Variants in ASH1L observed in about 807,000 individuals in gnomAD.
The protein encoded by ASH1L is ASH1 like histone lysine methyltransferase.
In ASH1L, 23 loss-of-function variants were observed where a neutral mutation model predicts 269.0. The observed-to-expected ratio is 0.09, with a 90% CI of 0.06 to 0.12. The LOEUF (loss-of-function observed/expected upper bound fraction) is 0.12, where lower values mean the gene tolerates loss of function less well. ASH1L is among the 10% of genes least tolerant of loss of function. The probability of loss-of-function intolerance (pLI) is 1.00; values close to 1 mark genes in which losing one functional copy is unlikely to be tolerated. For missense variants in ASH1L, 2,912 were observed against 3,567.8 expected, an observed-to-expected ratio of 0.82 and a Z score of 4.68; for synonymous variants, 1,187 against 1,253.5, an observed-to-expected ratio of 0.95 and a Z score of 1.12.
intron 2 of ASH1L, among the ~76,000 whole-genome samples, chr1:155,512,059 G>T (rs763373246): frequency 6.6e-6 from 1 of 152,012 alleles, no homozygotes; most frequent in Middle Eastern, 3.4e-3. Context: ...TGATCCACCC[G>T]CCTGGGTCTC....
intron 6 of ASH1L, among the ~76,000 whole-genome samples, chr1:155,414,402 C>T (rs1005009288): frequency 2.6e-5 from 4 of 152,052 alleles, no homozygotes; most frequent in Non-Finnish European, 4.4e-5. Context: ...CTCCGCCTCC[C>T]AGGTTCAAGC....
intron 2 of ASH1L, among the ~76,000 whole-genome samples, chr1:155,494,365 G>A (rs1299636659): frequency 6.6e-6 from 1 of 152,198 alleles, no homozygotes; most frequent in East Asian, 1.9e-4. Context: ...GTCCAAGAAA[G>A]AGGAAGCCAT....
intron 15 of ASH1L, among the ~76,000 whole-genome samples, chr1:155,355,738 G>C (rs547986645): frequency 6.6e-6 from 1 of 152,250 alleles, no homozygotes; most frequent in East Asian, 1.9e-4. Flanking sequence ...GAAATAGAAT[G>C]AAAGGGGCTA....
At chr1:155,415,656 A>G (rs1023275194) in intron 6 of ASH1L, 88 bp downstream of exon 6, 11 of 1,439,950 alleles carry the variant, frequency 7.6e-6, no homozygotes, top group Non-Finnish European at 9.6e-6. Flanking sequence ...ATGAAACACA[A>G]AAGAATCTAT....
chr1:155,493,725 T>G (rs1352318126), intron 2 of ASH1L, among the ~76,000 whole-genome samples: 1 of 151,388 alleles, frequency 6.6e-6, no homozygotes, highest in African/African-American at 2.4e-5. Context: ...AAAAAAAAAA[T>G]TAGCTGGGTG....
At position 155,391,265 on chromosome 1, in the gene ASH1L, C is replaced by A. The variant is rs542555574; in HGVS notation, c.6103+4194G>T. ...CTGGCTGACAATTTATATTCATATACTTTCAAGTTCAACTGACACTTCTGC... is the reference window on the plus strand; with the variant it reads ...CTGGCTGACAATTTATATTCATATAATTTCAAGTTCAACTGACACTTCTGC... On this transcript the variant is annotated intron_variant, in intron 7 of 27. Coordinates refer to ENST00000392403, the MANE Select transcript of ASH1L (RefSeq NM_018489.3). Among the ~76,000 whole-genome samples the A allele has an allele frequency of 3.3e-5, 5 of 152,244 alleles. No homozygotes were observed. In the East Asian group the frequency reaches 9.6e-4, roughly 29 times the overall value.
rs755635578 is a variant in ASH1L at position 155,477,910 on chromosome 1, C to G, written c.4960G>C (p.Glu1654Gln). The G allele has an allele frequency of 6.2e-7, 1 of 1,612,424 alleles. No individual in the cohort carries two copies. Among genetic ancestry groups the G allele is most frequent in the African/African-American group, 1.3e-5 (1 of 74,878 alleles). The change falls in exon 3 of 28, where the codon GAA becomes CAA. Residue 1654 changes from glutamate to glutamine, a missense_variant. Coordinates refer to ENST00000392403, the MANE Select transcript of ASH1L (RefSeq NM_018489.3). Reference protein sequence around the residue: ...LHRKESLPSNERAVQTLAGSQ... With the variant: ...LHRKESLPSNQRAVQTLAGSQ... ...CCTGCCAAAGTCTGTACTGCCCTTT[C>G]GTTAGAAGGCAGTGACTCCTTTCTG...
rs1654868126 is a variant in ASH1L at position 155,360,696 on chromosome 1, G to A, written c.6687-287C>T. On this transcript the variant is annotated intron_variant, in intron 12 of 27. Transcript: ENST00000392403. ...TGACCTCAGGTGATCTGCCCGCCTC[G>A]GCCTCCCAAGTGCTAGAATTATAGG... is the stretch of plus-strand genomic sequence containing the variant. Among the ~76,000 whole-genome samples, 5 of 151,952 alleles carry A rather than the reference G, an allele frequency of 3.3e-5. 1 individual carries two copies. The highest frequency in any genetic ancestry group is 6.6e-5 in the Admixed American group (1 of 15,242).
intron 3 of ASH1L, among the ~76,000 whole-genome samples, chr1:155,467,297 T>C (rs1311577014): frequency 6.6e-6 from 1 of 152,184 alleles, no homozygotes; most frequent in Non-Finnish European, 1.5e-5. Context: ...ATTTCATGTC[T>C]ACCTAACATA....
At chr1:155,504,042 C>T (rs996490150) in intron 2 of ASH1L, among the ~76,000 whole-genome samples, 3 of 152,060 alleles carry the variant, frequency 2.0e-5, no homozygotes, top group Admixed American at 1.3e-4. Context: ...TGACATAAGG[C>T]ATCTGCTGGT....
intron 14 of ASH1L, 38 bp from the exon 15 acceptor site, chr1:155,357,448 A>G: frequency 4.4e-6 from 7 of 1,597,566 alleles, no homozygotes; most frequent in Non-Finnish European, 6.0e-6. Context: ...ATTTAAAAAA[A>G]TATCAGTCAG....
intron 4 of ASH1L, among the ~76,000 whole-genome samples, chr1:155,453,821 G>A (rs897632712): frequency 5.9e-5 from 9 of 151,696 alleles, no homozygotes; most frequent in African/African-American, 1.9e-4. Flanking sequence ...AAAACAAAAA[G>A]GCCGGGCACA....
chr1:155,479,243 G>A lies in ASH1L; in HGVS notation c.3627C>T (p.Ser1209=), dbSNP rs1665782753. 1 of 1,614,042 alleles carries A rather than the reference G, an allele frequency of 6.2e-7. No individual in the cohort carries two copies. The highest frequency in any genetic ancestry group is 8.5e-7 in the Non-Finnish European group (1 of 1,180,006). ...SDSGIGTDNN[S]TSDRAEKFCG... is the part of the protein sequence containing the mutation. ...AAAATTTCTCTGCCCTGTCTGATGT[G>A]CTGTTATTATCTGTTCCAATTCCAC... is the stretch of plus-strand genomic sequence containing the variant. Residue 1209 remains serine, a synonymous_variant, in exon 3 of 28, where the codon AGC becomes AGT. Transcript: ENST00000392403.
In ASH1L at chr1:155,479,927, T is replaced by C. The variant is rs1665832996; in HGVS notation, c.2943A>G (p.Thr981=). Reference sequence around the variant, plus strand: ...TCATTTTATTTATTTTGCGGATAATTGTTTTCATTAATTGTCCATTGTTTC... The same window carrying C: ...TCATTTTATTTATTTTGCGGATAATCGTTTTCATTAATTGTCCATTGTTTC... ...TKRNNGQLMK[T]IIRKINKMKT... is the part of the protein sequence containing the mutation. The change falls in exon 3 of 28, where the codon ACA becomes ACG. Residue 981 remains threonine (T), a synonymous_variant. Coordinates refer to ENST00000392403, the MANE Select transcript of ASH1L (RefSeq NM_018489.3). The C allele has an allele frequency of 6.2e-7, 1 of 1,613,560 alleles. No homozygotes were observed. The highest frequency in any genetic ancestry group is 1.7e-5 in the Admixed American group (1 of 59,922).
Position 155,542,078 on chromosome 1 carries a change from T to A in ASH1L, c.-100+20075A>T, listed in dbSNP as rs560330129. ...GCTTACCTGAATAGCAAAGTTAACG[T>A]AGATCAAAAATATAACTGCAATTCT... On this transcript the variant is annotated intron_variant, in intron 1 of 27. Transcript: ENST00000392403. 2.6e-5 allele frequency among the ~76,000 whole-genome samples: 4 copies of A among 152,254 alleles called. 1 individual carries two copies. The South Asian group carries it at 6.2e-4, about 24-fold the overall frequency.
intron 2 of ASH1L, among the ~76,000 whole-genome samples, chr1:155,485,185 C>T (rs1464875909): frequency 7.1e-5 from 10 of 139,904 alleles, no homozygotes; most frequent in South Asian, 4.6e-4. Context: ...GAACCTGGGA[C>T]GGGGAGGTTG....
intron 7 of ASH1L, among the ~76,000 whole-genome samples, chr1:155,381,666 G>A (rs1441994585): frequency 6.6e-6 from 1 of 152,098 alleles, no homozygotes; most frequent in Non-Finnish European, 1.5e-5. Flanking sequence ...CTTGAGGTCA[G>A]GAGTTCAAGA....
chr1:155,475,387 C>T (rs544265973), intron 3 of ASH1L, among the ~76,000 whole-genome samples: 107 of 152,248 alleles, frequency 7.0e-4, no homozygotes, highest in Non-Finnish European at 1.0e-3. Flanking sequence ...CTGGCCACCT[C>T]AGCCTCCCAA....
intron 1 of ASH1L, among the ~76,000 whole-genome samples, chr1:155,555,097 G>A (rs1571151233): frequency 2.0e-5 from 3 of 147,802 alleles, no homozygotes; most frequent in Admixed American, 6.8e-5. Flanking sequence ...AGCCGAGATC[G>A]TGCCACTACA....
Sources: gnomAD v4.1 joint callset for allele counts (sites outside exome capture counted in the v4.1 genomes callset) on GRCh38, gnomAD v4.1.1 for gene constraint, MANE v1.5 for transcripts, NCBI Gene and HGNC (gene_info 2026-07-23, HGNC 2026-07-21) for gene names.